Variants in GABRB2 observed in about 807,000 individuals in gnomAD.
GABRB2 encodes gamma-aminobutyric acid receptor subunit beta-2.
In GABRB2, 16 loss-of-function variants were observed where a neutral mutation model predicts 54.7. The ratio of observed to expected loss-of-function variants is 0.29; its 90% confidence interval spans 0.20 to 0.44. The LOEUF (loss-of-function observed/expected upper bound fraction) is 0.44, where lower values mean the gene tolerates loss of function less well. GABRB2 is among the 20% of genes least tolerant of loss of function. The pLI, the probability that GABRB2 is intolerant of heterozygous loss-of-function variation, is 1.00. For missense variants in GABRB2, 355 were observed against 644.0 expected, an observed-to-expected ratio of 0.55 and a Z score of 4.86; for synonymous variants, 244 against 233.8, an observed-to-expected ratio of 1.04 and a Z score of -0.40.
chr5:161,440,444 C>T (rs903979608), intron 4 of GABRB2, among the ~76,000 whole-genome samples: 1 of 152,094 alleles, frequency 6.6e-6, no homozygotes, highest in Non-Finnish European at 1.5e-5. Context: ...AGTAGCTATA[C>T]TTATACCCGA....
At chr5:161,400,839 T>TAC (rs1027939864) in intron 5 of GABRB2, among the ~76,000 whole-genome samples, 101 of 152,278 alleles carry the variant, frequency 6.6e-4, no homozygotes, top group African/African-American at 2.3e-3. Flanking sequence ...CTGGGCTCAT[T>TAC]TAGTTACAAG....
rs1195387749 is a variant in GABRB2 at position 161,429,345 on chromosome 5, C to A, written c.459-18288G>T. On this transcript the variant is annotated intron_variant, in intron 4 of 9. Coordinates refer to ENST00000393959, the MANE Select transcript of GABRB2 (RefSeq NM_001371727.1). ...TGGGCGATAGAGCAAGAATCCGTCT[C>A]AAAAAAAAAAAAAGAAAAAGAAAAA... Among the ~76,000 whole-genome samples the A allele has an allele frequency of 7.3e-4, 23 of 31,422 alleles. 3 individuals carry two copies. Among genetic ancestry groups the A allele is most frequent in the South Asian group, 2.4e-3 (1 of 418 alleles). The allele number at this position is 31,422 out of a possible 152,430, so 20.6% of individuals were successfully genotyped here. A position where few individuals can be genotyped will look rare whatever the true frequency, so the allele number is the denominator to read the frequency against.
chr5:161,497,817 T>G (rs1441271532), intron 3 of GABRB2, among the ~76,000 whole-genome samples: 2 of 152,144 alleles, frequency 1.3e-5, no homozygotes, highest in Non-Finnish European at 2.9e-5. Context: ...CATCTTCAGC[T>G]AGGATGCTGG....
chr5:161,452,947 G>C (rs1014024103), intron 4 of GABRB2, among the ~76,000 whole-genome samples: 1 of 152,192 alleles, frequency 6.6e-6, no homozygotes, highest in Admixed American at 6.5e-5. Flanking sequence ...TGTGAGTCGA[G>C]ATTGCATCAT....
intron 4 of GABRB2, among the ~76,000 whole-genome samples, chr5:161,433,020 G>A (rs1481232382): frequency 6.6e-6 from 1 of 152,140 alleles, no homozygotes; most frequent in Admixed American, 6.5e-5. Context: ...TGTGCTCACA[G>A]GGATGCATAC....
chr5:161,440,062 C>CAAAAAAAAA (rs61152845), intron 4 of GABRB2, among the ~76,000 whole-genome samples: 1 of 77,198 alleles, frequency 1.3e-5, no homozygotes, highest in Non-Finnish European at 2.9e-5. Flanking sequence ...AACCTCAAAC[C>CAAAAAAAAA]AAAAAAAAAA....
chr5:161,438,384 G>T (rs1006109389), intron 4 of GABRB2, among the ~76,000 whole-genome samples: 2 of 152,064 alleles, frequency 1.3e-5, no homozygotes, highest in African/African-American at 4.8e-5. Flanking sequence ...ATCACAACAT[G>T]CAAATCATTT....
At chr5:161,410,407 C>CACACAT (rs1365590622) in intron 5 of GABRB2, among the ~76,000 whole-genome samples, 47 of 151,608 alleles carry the variant, frequency 3.1e-4, no homozygotes, top group African/African-American at 1.1e-3. Flanking sequence ...CACACACACA[C>CACACAT]ACACACACAC....
At chr5:161,356,911 C>A (rs1329146273) in intron 5 of GABRB2, among the ~76,000 whole-genome samples, 1 of 152,180 alleles carries the variant, frequency 6.6e-6, no homozygotes. Flanking sequence ...CTATTCAATA[C>A]ATATTTATTT....
At chr5:161,395,558 A>T (rs1425172782) in intron 5 of GABRB2, among the ~76,000 whole-genome samples, 1 of 152,188 alleles carries the variant, frequency 6.6e-6, no homozygotes. Context: ...AACACATATA[A>T]GTATCGCAAT....
rs780086197 is a variant in GABRB2 at position 161,439,745 on chromosome 5, A to G, written c.458+19879T>C. 5.1e-4 allele frequency among the ~76,000 whole-genome samples: 77 copies of G among 152,204 alleles called. 1 individual carries two copies. The highest frequency in any genetic ancestry group is 8.8e-4 in the Non-Finnish European group (60 of 67,994). On this transcript the variant is annotated intron_variant, in intron 4 of 9. Transcript: ENST00000393959. ...ACGCAAATAATGTTAAGTTGTTATC[A>G]GGTTAAAATAATGGGTTATATGATG... is the stretch of plus-strand genomic sequence containing the variant.
chr5:161,472,428 GCA>G (rs1287493528), intron 3 of GABRB2, among the ~76,000 whole-genome samples: 5 of 147,058 alleles, frequency 3.4e-5, no homozygotes, highest in Admixed American at 6.9e-5. Flanking sequence ...ACACATACAC[GCA>G]CACACACACA....
intron 9 of GABRB2, among the ~76,000 whole-genome samples, chr5:161,317,136 GACAC>G (rs1758065096): frequency 6.6e-6 from 1 of 152,002 alleles, no homozygotes; most frequent in South Asian, 2.1e-4. Context: ...TATGCACACA[GACAC>G]ACACTCACAC....
intron 3 of GABRB2, among the ~76,000 whole-genome samples, chr5:161,482,729 T>C (rs1029597873): frequency 6.6e-6 from 1 of 152,112 alleles, no homozygotes; most frequent in Admixed American, 6.6e-5. Context: ...CTGCTATATA[T>C]AATGCAGAAG....
intron 3 of GABRB2, among the ~76,000 whole-genome samples, chr5:161,462,128 C>T (rs1404703061): frequency 6.6e-6 from 1 of 152,154 alleles, no homozygotes; most frequent in African/African-American, 2.4e-5. Context: ...ATTTTACAAT[C>T]AAACTTCTAT....
chr5:161,320,823 A>G (rs1196620757), intron 9 of GABRB2, among the ~76,000 whole-genome samples: 3 of 151,960 alleles, frequency 2.0e-5, no homozygotes, highest in Admixed American at 2.0e-4. Context: ...TAATTTTGTC[A>G]TCTGAATTTA....
Position 161,291,925 on chromosome 5 carries a change from G to A in GABRB2, c.*2156C>T, listed in dbSNP as rs1025534001. On this transcript the variant is annotated 3_prime_UTR_variant, in exon 10 of 10. Coordinates refer to ENST00000393959, the MANE Select transcript of GABRB2 (RefSeq NM_001371727.1). ...TGACAAGGGGCAGGCACTTTACTTA[G>A]TGTGATGCCCCAAAATGATTGCCTA... 2.0e-5 allele frequency: 3 copies of A among 152,130 alleles called. No individual in the cohort carries two copies. Among genetic ancestry groups the A allele is most frequent in the Non-Finnish European group, 4.4e-5 (3 of 68,018 alleles). The allele number at this position is 152,130 out of a possible 1,614,324, so 9.4% of individuals were successfully genotyped here. A position where few individuals can be genotyped will look rare whatever the true frequency, so the allele number is the denominator to read the frequency against.
chr5:161,402,390 T>C (rs745793563), intron 5 of GABRB2, among the ~76,000 whole-genome samples: 3 of 152,136 alleles, frequency 2.0e-5, no homozygotes, highest in Non-Finnish European at 4.4e-5. Context: ...AAAGGTGAGT[T>C]CCAGTTTATG....
chr5:161,333,002 G>A (rs940732067), intron 7 of GABRB2, among the ~76,000 whole-genome samples: 4 of 151,972 alleles, frequency 2.6e-5, no homozygotes, highest in Admixed American at 6.6e-5. Context: ...TTTCAACTAC[G>A]GATGATCCTG....
Sources: gnomAD v4.1 joint callset for allele counts (sites outside exome capture counted in the v4.1 genomes callset) on GRCh38, gnomAD v4.1.1 for gene constraint, MANE v1.5 for transcripts, NCBI Gene and HGNC (gene_info 2026-07-23, HGNC 2026-07-21) for gene names.